The following HMG20A variants were observed in gnomAD, a reference collection of about 807,000 sequenced individuals.
HMG20A encodes the protein high mobility group 20A.
A neutral mutation model predicts 43.9 loss-of-function variants in HMG20A; 17 were observed. The observed-to-expected ratio is 0.39, with a 90% CI of 0.27 to 0.58. HMG20A has a LOEUF of 0.58. HMG20A is among the 20% of genes least tolerant of loss of function. The pLI, the probability that HMG20A is intolerant of heterozygous loss-of-function variation, is 0.59. For synonymous variants in HMG20A, 132 were observed against 147.5 expected, an observed-to-expected ratio of 0.89 and a Z score of 0.76; for missense variants, 341 against 438.2, an observed-to-expected ratio of 0.78 and a Z score of 1.98.
chr15:77,517,582 C>CT, the HMG20A span, among the ~76,000 whole-genome samples: 2 of 151,200 alleles, frequency 1.3e-5, no homozygotes, highest in African/African-American at 4.9e-5. Context: ...AAAATTGTCT[C>CT]TAATTTGAGC....
intron 1 of HMG20A, among the ~76,000 whole-genome samples, chr15:77,432,250 G>A (rs919617945): frequency 1.3e-5 from 2 of 152,024 alleles, no homozygotes; most frequent in Non-Finnish European, 2.9e-5. Context: ...AAATACATGT[G>A]AATCAGTTAA....
chr15:77,467,421 T>C (rs2072766971), intron 4 of HMG20A, 114 bp downstream of exon 4: 5 of 835,842 alleles, frequency 6.0e-6, no homozygotes, highest in Non-Finnish European at 9.5e-6. Flanking sequence ...TCACAGTGCC[T>C]AGGAGACCAG....
At chr15:77,440,260 A>C (rs1040511365) in intron 1 of HMG20A, among the ~76,000 whole-genome samples, 3 of 152,190 alleles carry the variant, frequency 2.0e-5, no homozygotes, top group Non-Finnish European at 2.9e-5. Context: ...GCCTAGCCTA[A>C]GATCATGAAG....
Position 77,479,180 on chromosome 15 carries a change from AAGTGGAGAGACACCTAC to A in HMG20A, c.916_932del (p.Glu306HisfsTer3). On this transcript the variant is annotated frameshift_variant and splice_region_variant, in exon 9 of 10. Transcript: ENST00000336216. LOFTEE classifies it high-confidence loss of function. Reference sequence around the variant, plus strand: ...TACTTTCTTCTTATCTCACTTCAGGAAGTGGAGAGACACCTACAGTGGACACCATTGACTCATATATG... The same window carrying A: ...TACTTTCTTCTTATCTCACTTCAGGAAGTGGACACCATTGACTCATATATG... The A allele has an allele frequency of 6.2e-7, 1 of 1,613,384 alleles. No homozygotes were observed. The highest frequency in any genetic ancestry group is 8.5e-7 in the Non-Finnish European group (1 of 1,179,352).
At chr15:77,438,311 C>G (rs2073572661) in intron 1 of HMG20A, among the ~76,000 whole-genome samples, 1 of 151,636 alleles carries the variant, frequency 6.6e-6, no homozygotes, top group African/African-American at 2.4e-5. Flanking sequence ...CATAAGGGCC[C>G]TACAAAGAAA....
At chr15:77,500,378 C>G in the HMG20A span, among the ~76,000 whole-genome samples, 1 of 152,070 alleles carries the variant, frequency 6.6e-6, no homozygotes, top group Non-Finnish European at 1.5e-5. Context: ...GCAGGTGGAC[C>G]AATGTTATAT....
At chr15:77,493,149 G>C in the HMG20A span, among the ~76,000 whole-genome samples, 2 of 152,146 alleles carry the variant, frequency 1.3e-5, no homozygotes, top group African/African-American at 4.8e-5. Flanking sequence ...TGGAAGAAAC[G>C]TGATTAAACA....
At chr15:77,492,747 G>A in the HMG20A span, among the ~76,000 whole-genome samples, 2 of 152,074 alleles carry the variant, frequency 1.3e-5, no homozygotes, top group African/African-American at 4.8e-5. Flanking sequence ...GGAAGTCGTG[G>A]CTGCAGTGAG....
At chr15:77,486,468 C>T (rs905022166), downstream of HMG20A, among the ~76,000 whole-genome samples, 45 of 152,052 alleles carry the variant, frequency 3.0e-4, no homozygotes, top group African/African-American at 1.0e-3. Flanking sequence ...ACCATGTTGG[C>T]CAGGCTGGTC....
intron 1 of HMG20A, among the ~76,000 whole-genome samples, chr15:77,445,989 C>T (rs1476642653): frequency 1.1e-4 from 16 of 152,202 alleles, no homozygotes; most frequent in Admixed American, 9.8e-4. Context: ...GGGGGACTAC[C>T]GTCTATGCTG....
chr15:77,476,446 C>CT (rs2072856116), intron 6 of HMG20A, among the ~76,000 whole-genome samples: 1 of 131,310 alleles, frequency 7.6e-6, no homozygotes, highest in African/African-American at 2.9e-5. Context: ...GATCGTGCCA[C>CT]TGTACTCCAC....
At chr15:77,512,848 T>C in the HMG20A span, among the ~76,000 whole-genome samples, 15 of 152,310 alleles carry the variant, frequency 9.8e-5, no homozygotes, top group East Asian at 2.9e-3. Context: ...GCCTGGTAGA[T>C]ACCATCTTAG....
intron 1 of HMG20A, among the ~76,000 whole-genome samples, chr15:77,456,498 T>C (rs1051579272): frequency 1.3e-5 from 2 of 152,036 alleles, no homozygotes; most frequent in African/African-American, 4.8e-5. Context: ...CTGGCCAACA[T>C]GGTGATACCC....
chr15:77,436,925 G>A (rs973226290), intron 1 of HMG20A, among the ~76,000 whole-genome samples: 1 of 152,142 alleles, frequency 6.6e-6, no homozygotes, highest in Admixed American at 6.5e-5. Flanking sequence ...CCCCAGATCT[G>A]TTCTGGATTT....
the HMG20A span, among the ~76,000 whole-genome samples, chr15:77,512,449 GAA>G: frequency 0.24 from 37,077 of 151,626 alleles, 5,211 homozygotes; most frequent in Non-Finnish European, 0.32. Flanking sequence ...TAAAATTAAA[GAA>G]AAAAAAGGAC....
At position 77,479,226 on chromosome 15, in the gene HMG20A, A is replaced by G; in HGVS notation, c.955A>G (p.Arg319Gly). 1.2e-6 allele frequency: 2 copies of G among 1,613,832 alleles called. No homozygotes were observed. Among genetic ancestry groups the G allele is most frequent in the South Asian group, 2.2e-5 (2 of 91,082 alleles). ...TVDTIDSYMN[R>G]LHSIILANPQ... ...GGACACCATTGACTCATATATGAACAGACTGCACAGTATTATTTTAGCTAA... is the reference window on the plus strand; with the variant it reads ...GGACACCATTGACTCATATATGAACGGACTGCACAGTATTATTTTAGCTAA... The change falls in exon 9 of 10, where the codon AGA becomes GGA. Residue 319 changes from arginine to glycine, a missense_variant. This residue lies in a region of HMG20A where 118 missense variants were observed against 154.5 expected (regional missense o/e 0.76). Transcript: ENST00000336216.
the HMG20A span, among the ~76,000 whole-genome samples, chr15:77,503,386 G>A: frequency 6.6e-6 from 1 of 152,174 alleles, no homozygotes; most frequent in Admixed American, 6.5e-5. Context: ...AATCAAAGGA[G>A]TCCCTCAAAT....
At chr15:77,509,217 C>A in the HMG20A span, among the ~76,000 whole-genome samples, 2 of 151,920 alleles carry the variant, frequency 1.3e-5, no homozygotes, top group African/African-American at 4.8e-5. Context: ...TGAGCAGTCA[C>A]CTTCATTTCC....
At chr15:77,479,470 T>C in intron 9 of HMG20A, 149 bp downstream of exon 9, 1 of 701,042 alleles carries the variant, frequency 1.4e-6, no homozygotes, top group Non-Finnish European at 2.3e-6. Context: ...GGTTGTTAAA[T>C]GTAGTAAATA....
Sources: gnomAD v4.1 joint callset for allele counts (sites outside exome capture counted in the v4.1 genomes callset) on GRCh38, gnomAD v4.1.1 for gene constraint, gnomAD v4.1.1 regional missense constraint, MANE v1.5 for transcripts, NCBI Gene and HGNC (gene_info 2026-07-23, HGNC 2026-07-21) for gene names.